TRPC4: variants seen among roughly 807,000 people sequenced by gnomAD.
TRPC4 encodes the protein short transient receptor potential channel 4.
TRPC4 carries 49 observed loss-of-function variants against 99.4 expected under a neutral mutation model. The observed-to-expected ratio is 0.49, with a 90% confidence interval of 0.39 to 0.63. The LOEUF (loss-of-function observed/expected upper bound fraction) is 0.63, where lower values mean the gene tolerates loss of function less well. Among genes scored for constraint, TRPC4 ranks in the 20% least tolerant of loss-of-function variants. TRPC4 has a pLI of 0.00. For synonymous variants in TRPC4, 454 were observed against 425.9 expected, an observed-to-expected ratio of 1.07 and a Z score of -0.81; for missense variants, 898 against 1,152.9, an observed-to-expected ratio of 0.78 and a Z score of 3.20.
chr13:37,677,795 T>G (rs1249179657), intron 4 of TRPC4, among the ~76,000 whole-genome samples: 1 of 152,052 alleles, frequency 6.6e-6, no homozygotes, highest in Non-Finnish European at 1.5e-5. Context: ...TGAACAACAC[T>G]ACCAACAACA....
At chr13:37,865,834 A>G (rs1959707392) in intron 1 of TRPC4, among the ~76,000 whole-genome samples, 2 of 151,884 alleles carry the variant, frequency 1.3e-5, no homozygotes, top group Admixed American at 6.6e-5. Flanking sequence ...TGTGATTTTC[A>G]TAAATTTCAT....
intron 1 of TRPC4, among the ~76,000 whole-genome samples, chr13:37,836,826 C>A (rs533749456): frequency 1.3e-5 from 2 of 152,208 alleles, no homozygotes; most frequent in South Asian, 2.1e-4. Context: ...CAAGACAATG[C>A]GGAAAATGTC....
Position 37,695,659 on chromosome 13 carries a change from C to T in TRPC4, c.898-3324G>A, listed in dbSNP as rs371677703. ...ATTTGTGCTGTGCACTTATAAAAGA[C>T]GCTGTGAAAACAATTTTAAAGATGT... On this transcript the variant is annotated intron_variant, in intron 3 of 10. Coordinates refer to ENST00000379705, the MANE Select transcript of TRPC4 (RefSeq NM_016179.4). 1.6e-3 allele frequency among the ~76,000 whole-genome samples: 251 copies of T among 152,268 alleles called. 1 individual carries two copies. Among genetic ancestry groups the T allele is most frequent in the African/African-American group, 5.7e-3 (236 of 41,556 alleles).
intron 1 of TRPC4, among the ~76,000 whole-genome samples, chr13:37,837,571 C>T (rs964871835): frequency 1.3e-5 from 2 of 152,226 alleles, no homozygotes; most frequent in Non-Finnish European, 2.9e-5. Flanking sequence ...TTTTGGCCAA[C>T]TTCTCCCATT....
chr13:37,734,822 G>T (rs1246952913), intron 3 of TRPC4, among the ~76,000 whole-genome samples: 4 of 152,124 alleles, frequency 2.6e-5, no homozygotes, highest in African/African-American at 9.7e-5. Context: ...TATCAGTGTT[G>T]TGTAGAATTT....
At chr13:37,768,099 T>G (rs1332042152) in intron 2 of TRPC4, among the ~76,000 whole-genome samples, 2 of 151,292 alleles carry the variant, frequency 1.3e-5, no homozygotes, top group African/African-American at 4.8e-5. Flanking sequence ...AAAGAAGAAT[T>G]AACAAATTAA....
intron 5 of TRPC4, among the ~76,000 whole-genome samples, chr13:37,673,283 T>C (rs548879883): frequency 1.0e-3 from 158 of 151,928 alleles, no homozygotes; most frequent in Non-Finnish European, 2.0e-3. Context: ...ACTCATCCTT[T>C]TCTATGGCTG....
chr13:37,778,898 C>A (rs1956771578), intron 2 of TRPC4, among the ~76,000 whole-genome samples: 2 of 152,000 alleles, frequency 1.3e-5, no homozygotes, highest in African/African-American at 4.8e-5. Context: ...CTACAACCTG[C>A]AACATCCTCT....
chr13:37,760,944 T>C (rs1956206760), intron 2 of TRPC4, among the ~76,000 whole-genome samples: 1 of 151,954 alleles, frequency 6.6e-6, no homozygotes, highest in African/African-American at 2.4e-5. Context: ...TGGAAGCCTA[T>C]TTTCTGTCTA....
chr13:37,650,448 G>A (rs1371613937), intron 8 of TRPC4, among the ~76,000 whole-genome samples: 1 of 152,066 alleles, frequency 6.6e-6, no homozygotes, highest in Non-Finnish European at 1.5e-5. Flanking sequence ...AAAGCTTCAC[G>A]TGGTGTATCT....
At chr13:37,663,324 T>C in intron 6 of TRPC4, 92 bp downstream of exon 6, 1 of 1,265,186 alleles carries the variant, frequency 7.9e-7, no homozygotes, top group East Asian at 2.4e-5. Context: ...CCATTTTCTT[T>C]ACAACCATTT....
In TRPC4 at chr13:37,655,238, G is replaced by C. The variant is rs780685283; in HGVS notation, c.1734C>G (p.Leu578=). 1.2e-6 allele frequency: 2 copies of C among 1,606,016 alleles called. No individual in the cohort carries two copies. The highest frequency in any genetic ancestry group is 1.7e-6 in the Non-Finnish European group (2 of 1,175,756). Reference sequence around the variant, plus strand: ...TGACATTGGTCACATATAAATTGATGAGCCCAAATATTGACCAAAACAGGG... The same window carrying C: ...TGACATTGGTCACATATAAATTGATCAGCCCAAATATTGACCAAAACAGGG... ...LQSLFWSIFG[L]INLYVTNVKA... Residue 578 remains leucine (L), a synonymous_variant, in exon 7 of 11, where the codon CTC becomes CTG. Transcript: ENST00000379705.
At chr13:37,828,262 C>T (rs535328229) in intron 1 of TRPC4, among the ~76,000 whole-genome samples, 14 of 152,174 alleles carry the variant, frequency 9.2e-5, no homozygotes, top group African/African-American at 2.2e-4. Context: ...AGCTGTAGAC[C>T]GGAGCTGTTC....
At position 37,633,925 on chromosome 13, in the gene TRPC4, G is replaced by A. The variant is rs1050963393; in HGVS notation, c.*2978C>T. On this transcript the variant is annotated 3_prime_UTR_variant, in exon 11 of 11. Coordinates refer to ENST00000379705, the MANE Select transcript of TRPC4 (RefSeq NM_016179.4). ...AAATTTTAAGGAAAACCTTTATTAC[G>A]AATAATGAGGTACATCTTTATAGCA... 2.6e-5 allele frequency among the ~76,000 whole-genome samples: 4 copies of A among 151,858 alleles called. No individual in the cohort carries two copies. Among genetic ancestry groups the A allele is most frequent in the Admixed American group, 6.6e-5 (1 of 15,214 alleles).
chr13:37,652,188 CTCT>C (rs1160687968), intron 7 of TRPC4, among the ~76,000 whole-genome samples: 2 of 152,220 alleles, frequency 1.3e-5, no homozygotes, highest in African/African-American at 4.8e-5. Flanking sequence ...GACAGCCAGT[CTCT>C]TCTTAATTTA....
intron 10 of TRPC4, 99 bp downstream of exon 10, chr13:37,638,941 G>T: frequency 8.0e-7 from 1 of 1,250,102 alleles, no homozygotes; most frequent in Non-Finnish European, 1.2e-6. Context: ...AGGCTTGCTG[G>T]AACACACAGC....
Position 37,692,200 on chromosome 13 carries a change from C to T in TRPC4, c.1033G>A (p.Val345Met), listed in dbSNP as rs202061150. 1 of 1,614,076 alleles carries T rather than the reference C, an allele frequency of 6.2e-7. No individual in the cohort carries two copies. Among genetic ancestry groups the T allele is most frequent in the South Asian group, 1.1e-5 (1 of 91,078 alleles). Reference sequence around the variant, plus strand: ...CTTTTGGGAGCTATCAGGTAGCACACAGAGAAGACAGGAAAAAGAAGTCCT... The same window carrying T: ...CTTTTGGGAGCTATCAGGTAGCACATAGAGAAGACAGGAAAAAGAAGTCCT... Reference protein sequence around the residue: ...IIGLLFPVFSVCYLIAPKSPL... With the variant: ...IIGLLFPVFSMCYLIAPKSPL... The change falls in exon 4 of 11, where the codon GTG (valine) becomes ATG (methionine). Residue 345 changes from valine (V) to methionine (M), a missense_variant. By Grantham distance (21) the Val-to-Met change is conservative. Transcript: ENST00000379705.
Position 37,745,473 on chromosome 13 carries a change from T to C in TRPC4, c.897+464A>G, listed in dbSNP as rs1486039284. ...ATATATATATATATATATATATATA[T>C]ACACACACACACACACTTATATATA... On this transcript the variant is annotated intron_variant, in intron 3 of 10. Coordinates refer to ENST00000379705, the MANE Select transcript of TRPC4 (RefSeq NM_016179.4). 8.0e-3 allele frequency among the ~76,000 whole-genome samples: 43 copies of C among 5,378 alleles called. 2 individuals are homozygous for C. Among genetic ancestry groups the C allele is most frequent in the African/African-American group, 0.011 (43 of 4,036 alleles). 3.5% of individuals were successfully genotyped at this position (5,378 alleles called of 152,430 possible).
At chr13:37,800,809 T>C (rs116057469) in intron 1 of TRPC4, among the ~76,000 whole-genome samples, 1,625 of 152,028 alleles carry the variant, frequency 0.011, 21 homozygotes, top group African/African-American at 0.037. Context: ...ATTGATGCTA[T>C]AGACTTTATG....
Sources: allele counts gnomAD v4.1 joint callset (sites outside exome capture counted in the v4.1 genomes callset), GRCh38; gene constraint gnomAD v4.1.1; transcripts MANE v1.5; gene names NCBI Gene and HGNC (gene_info 2026-07-23, HGNC 2026-07-21).